ARHGEF38: variants seen among roughly 807,000 people sequenced by gnomAD.
The protein encoded by ARHGEF38 is Rho guanine nucleotide exchange factor 38.
Under a neutral mutation model 79.9 loss-of-function variants are expected in ARHGEF38, and 79 were observed. The ratio of observed to expected loss-of-function variants is 0.99; its 90% CI spans 0.82 to 1.19. ARHGEF38 has a LOEUF of 1.19. ARHGEF38 is among the 50% of genes most tolerant of loss of function. ARHGEF38 has a pLI of 0.00. For missense variants in ARHGEF38, 962 were observed against 907.2 expected, an observed-to-expected ratio of 1.06 and a Z score of -0.78; for synonymous variants, 366 against 328.3, an observed-to-expected ratio of 1.11 and a Z score of -1.24.
At chr4:105,648,251 T>C (rs1729938224) in intron 6 of ARHGEF38, among the ~76,000 whole-genome samples, 1 of 152,016 alleles carries the variant, frequency 6.6e-6, no homozygotes, top group Non-Finnish European at 1.5e-5. Context: ...AATAAATGTA[T>C]TATCTGAGAC....
At position 105,678,986 on chromosome 4, in the gene ARHGEF38, G is replaced by T. The variant is rs78247313; in HGVS notation, c.*1049G>T. 3.7e-6 allele frequency: 1 copy of T among 270,032 alleles called. No individual in the cohort carries two copies. The highest frequency in any genetic ancestry group is 7.7e-5 in the South Asian group (1 of 12,996). The allele number at this position is 270,032 out of a possible 1,614,324, so 16.7% of individuals were successfully genotyped here. Reference sequence around the variant, plus strand: ...CCTCAACAATGATGACCTAATTTTTGATCCATAATGTAAGATTAGGTAGAA... The same window carrying T: ...CCTCAACAATGATGACCTAATTTTTTATCCATAATGTAAGATTAGGTAGAA... On this transcript the variant is annotated 3_prime_UTR_variant, in exon 14 of 14. Transcript: ENST00000420470.
At chr4:105,648,746 G>T in intron 7 of ARHGEF38, 64 bp downstream of exon 7, 2 of 1,439,388 alleles carry the variant, frequency 1.4e-6, no homozygotes, top group South Asian at 1.5e-5. Context: ...ATTTTTGTGA[G>T]GTTTTGTTTT....
chr4:105,641,708 T>C (rs1309853446), intron 5 of ARHGEF38, among the ~76,000 whole-genome samples: 1 of 149,158 alleles, frequency 6.7e-6, no homozygotes, highest in East Asian at 1.9e-4. Context: ...ATAGATGCGC[T>C]GCATGTTGAA....
rs141626431 is a variant in ARHGEF38 at position 105,662,759 on chromosome 4, A to C, written c.1545+3394A>C. On this transcript the variant is annotated intron_variant, in intron 10 of 13. Transcript: ENST00000420470. ...GAAGGTGGGTTCATAAGTTCAGAAC[A>C]AAGTTGAGCTTTGGCAGGAATTTAC... Among the ~76,000 whole-genome samples the C allele has an allele frequency of 4.6e-3, 704 of 152,290 alleles. 3 individuals are homozygous for C. The highest frequency in any genetic ancestry group is 0.016 in the African/African-American group (677 of 41,568).
At chr4:105,652,487 T>C (rs190108932) in intron 7 of ARHGEF38, among the ~76,000 whole-genome samples, 9 of 152,276 alleles carry the variant, frequency 5.9e-5, no homozygotes, top group African/African-American at 1.9e-4. Context: ...ATTTATAGAA[T>C]GGGTGACATT....
intron 2 of ARHGEF38, among the ~76,000 whole-genome samples, chr4:105,612,533 C>T (rs906755512): frequency 5.9e-5 from 9 of 152,084 alleles, no homozygotes; most frequent in African/African-American, 1.9e-4. Context: ...TGCACCAATA[C>T]GGCTGTGGCC....
At chr4:105,660,292 A>G (rs1730509786) in intron 10 of ARHGEF38, among the ~76,000 whole-genome samples, 1 of 152,138 alleles carries the variant, frequency 6.6e-6, no homozygotes, top group African/African-American at 2.4e-5. Flanking sequence ...GTGCTTTCTC[A>G]TGCCAGTAAC....
In ARHGEF38 at chr4:105,659,230, C is replaced by A; in HGVS notation, c.1410C>A (p.Asn470Lys). The change falls in exon 10 of 14, where the codon AAC becomes AAA. Residue 470 changes from asparagine (N) to lysine (K), a missense_variant. Transcript: ENST00000420470. ...CCAAAAAGGAGTATGAGGCCCTCAACGCCCAGCTTGTGGAGGAGCTCCAGG... is the reference window on the plus strand; with the variant it reads ...CCAAAAAGGAGTATGAGGCCCTCAAAGCCCAGCTTGTGGAGGAGCTCCAGG... ...DLAKKEYEAL[N>K]AQLVEELQAF... 2 of 1,536,148 alleles carry A rather than the reference C, an allele frequency of 1.3e-6. No homozygotes were observed. The highest frequency in any genetic ancestry group is 8.7e-7 in the Non-Finnish European group (1 of 1,146,888).
chr4:105,665,247 C>T (rs763709831), intron 10 of ARHGEF38, among the ~76,000 whole-genome samples: 9 of 151,994 alleles, frequency 5.9e-5, no homozygotes, highest in Non-Finnish European at 8.8e-5. Context: ...GTGATCCCAG[C>T]ACTTTGGGAG....
At chr4:105,642,222 C>T (rs17036052) in intron 5 of ARHGEF38, among the ~76,000 whole-genome samples, 5,499 of 152,188 alleles carry the variant, frequency 0.036, 135 homozygotes, top group Middle Eastern at 0.061. Context: ...ATCTTTTCTA[C>T]GATATTGCTT....
chr4:105,646,451 A>G (rs755752744), intron 6 of ARHGEF38, among the ~76,000 whole-genome samples: 1 of 152,226 alleles, frequency 6.6e-6, no homozygotes, highest in Non-Finnish European at 1.5e-5. Context: ...TCACACTAAC[A>G]TACCATTTCC....
At chr4:105,585,725 G>GGTTTTTTTT (rs1491390111) in intron 1 of ARHGEF38, among the ~76,000 whole-genome samples, 1 of 14,440 alleles carries the variant, frequency 6.9e-5, no homozygotes, top group Non-Finnish European at 1.3e-4. Flanking sequence ...CCCCTCCGTT[G>GGTTTTTTTT]CTTTTTTTTT....
chr4:105,633,385 T>A (rs1172381385), intron 4 of ARHGEF38, among the ~76,000 whole-genome samples: 1 of 152,028 alleles, frequency 6.6e-6, no homozygotes, highest in Admixed American at 6.6e-5. Context: ...GAGAAACAGG[T>A]TTTCAAACAG....
chr4:105,579,799 A>G (rs1486412062), intron 1 of ARHGEF38, among the ~76,000 whole-genome samples: 3 of 152,142 alleles, frequency 2.0e-5, no homozygotes, highest in African/African-American at 4.8e-5. Context: ...TAGCTTCGGT[A>G]GGAATAATAT....
intron 5 of ARHGEF38, among the ~76,000 whole-genome samples, chr4:105,640,060 G>T (rs1461461243): frequency 2.0e-5 from 3 of 151,916 alleles, no homozygotes; most frequent in Non-Finnish European, 4.4e-5. Flanking sequence ...ATGCTTGGTT[G>T]TTTCCTTTTT....
chr4:105,639,095 A>G (rs1729516073), intron 5 of ARHGEF38, among the ~76,000 whole-genome samples: 1 of 152,074 alleles, frequency 6.6e-6, no homozygotes, highest in Non-Finnish European at 1.5e-5. Flanking sequence ...TAATATTGAT[A>G]TCTTTATAAC....
intron 10 of ARHGEF38, among the ~76,000 whole-genome samples, chr4:105,660,277 A>G (rs1245506382): frequency 1.3e-5 from 2 of 152,118 alleles, no homozygotes; most frequent in Admixed American, 6.6e-5. Context: ...ATTTTTATGC[A>G]TTTAGTGCTT....
intron 11 of ARHGEF38, 42 bp from the exon 12 acceptor site, chr4:105,667,087 T>G: frequency 6.9e-7 from 1 of 1,442,576 alleles, no homozygotes; most frequent in Non-Finnish European, 9.2e-7. Context: ...AGGATTTTAT[T>G]ATGTATCTGT....
chr4:105,643,941 A>T (rs1169955989), intron 5 of ARHGEF38, among the ~76,000 whole-genome samples: 1 of 131,280 alleles, frequency 7.6e-6, no homozygotes, highest in East Asian at 2.2e-4. Context: ...GCAGCGGCTC[A>T]CTGCAGCCTC....
Sources: allele counts gnomAD v4.1 joint callset (sites outside exome capture counted in the v4.1 genomes callset), GRCh38; gene constraint gnomAD v4.1.1; transcripts MANE v1.5; gene names NCBI Gene and HGNC (gene_info 2026-07-23, HGNC 2026-07-21).